Variants in LRRC4B observed in about 807,000 individuals in gnomAD.
LRRC4B encodes the protein leucine-rich repeat-containing protein 4B.
In LRRC4B, 1 loss-of-function variant was observed where a neutral mutation model predicts 7.3. That is an observed-to-expected ratio of 0.14 (90% CI 0.05 to 0.65). The LOEUF (loss-of-function observed/expected upper bound fraction) is 0.65. Ranked by LOEUF, LRRC4B falls within the 30% of genes least tolerant of loss-of-function variation. LRRC4B has a pLI of 0.84. For synonymous variants in LRRC4B, 500 were observed against 499.2 expected (o/e 1.00, Z -0.02); for missense variants, 730 against 1,041.6 (o/e 0.70, Z 4.12).
At chr19:50,546,024 A>G (rs1981790530) in intron 2 of LRRC4B, among the ~76,000 whole-genome samples, 2 of 151,708 alleles carry the variant, frequency 1.3e-5, no homozygotes. Context: ...GCGCCAGGCT[A>G]AAAGTTATTA....
chr19:50,529,802 A>G (rs976267246), intron 2 of LRRC4B, among the ~76,000 whole-genome samples: 2 of 152,090 alleles, frequency 1.3e-5, no homozygotes, highest in Non-Finnish European at 2.9e-5. Flanking sequence ...TCGTCTCGAT[A>G]ATAATAATAA....
chr19:50,543,797 G>GAGCC (rs1981662871), intron 2 of LRRC4B, among the ~76,000 whole-genome samples: 3 of 141,658 alleles, frequency 2.1e-5, no homozygotes, highest in Non-Finnish European at 4.5e-5. Flanking sequence ...AGGTTGCAGT[G>GAGCC]AGCCAAGACT....
chr19:50,546,684 CGTCCGCTGGTG>C (rs1171696550), intron 2 of LRRC4B, among the ~76,000 whole-genome samples: 1 of 152,116 alleles, frequency 6.6e-6, no homozygotes, highest in Non-Finnish European at 1.5e-5. Context: ...AATGAATGTA[CGTCCGCTGGTG>C]GCGCTCAGCA....
chr19:50,542,112 T>C (rs1167579336), intron 2 of LRRC4B, among the ~76,000 whole-genome samples: 1 of 152,048 alleles, frequency 6.6e-6, no homozygotes, highest in Non-Finnish European at 1.5e-5. Flanking sequence ...AAGCAAAAAA[T>C]CCACAGTAAA....
At chr19:50,566,367 G>T (rs567234940) in intron 1 of LRRC4B, among the ~76,000 whole-genome samples, 9 of 151,992 alleles carry the variant, frequency 5.9e-5, no homozygotes, top group East Asian at 2.0e-4. Context: ...CAGCTGGAGA[G>T]GGGGGCGGGG....
rs1980280649 is a variant in LRRC4B at position 50,516,913 on chromosome 19, T to A, written c.*658A>T. ...GTGCTTTCATGACCAAAAAAAATATTTTTTTACTTTTTCCATGTTTTTTTT... is the reference window on the plus strand; with the variant it reads ...GTGCTTTCATGACCAAAAAAAATATATTTTTACTTTTTCCATGTTTTTTTT... On this transcript the variant is annotated 3_prime_UTR_variant, in exon 3 of 3. Transcript: ENST00000652263. 6.6e-6 allele frequency: 1 copy of A among 152,038 alleles called. No homozygotes were observed. Among genetic ancestry groups the A allele is most frequent in the South Asian group, 2.1e-4 (1 of 4,834 alleles). 9.4% of individuals were successfully genotyped at this position (152,038 alleles called of 1,614,324 possible).
At chr19:50,547,659 G>A (rs891239589) in intron 2 of LRRC4B, among the ~76,000 whole-genome samples, 1 of 147,872 alleles carries the variant, frequency 6.8e-6, no homozygotes, top group Non-Finnish European at 1.5e-5. Context: ...GGCATCTAGT[G>A]GCCGGAAATG....
chr19:50,521,411 G>A (rs984893763), intron 2 of LRRC4B, among the ~76,000 whole-genome samples: 1 of 152,076 alleles, frequency 6.6e-6, no homozygotes, highest in African/African-American at 2.4e-5. Context: ...TTTATTCCAT[G>A]CCAGTGATAC....
intron 2 of LRRC4B, among the ~76,000 whole-genome samples, chr19:50,521,241 G>A (rs1036770038): frequency 2.0e-5 from 3 of 152,106 alleles, no homozygotes; most frequent in Non-Finnish European, 4.4e-5. Context: ...TGTTCTAAGT[G>A]TGCGTCTCTG....
At chr19:50,561,443 G>A (rs567006489) in intron 1 of LRRC4B, among the ~76,000 whole-genome samples, 139 of 152,040 alleles carry the variant, frequency 9.1e-4, no homozygotes, top group Non-Finnish European at 1.5e-3. Flanking sequence ...GCCTTCAAAA[G>A]TCTAGACTTG....
intron 2 of LRRC4B, among the ~76,000 whole-genome samples, chr19:50,520,055 A>T (rs1980486241): frequency 6.7e-6 from 1 of 150,146 alleles, no homozygotes; most frequent in Non-Finnish European, 1.5e-5. Flanking sequence ...AAATAAAATA[A>T]ATTAGCCAGG....
rs753611353 is a variant in LRRC4B at position 50,548,283 on chromosome 19, G to T, written c.297+259C>A. Reference sequence around the variant, plus strand: ...CGACCCGCCTGTCCTGTGCCGGGGGGGCTGGGCAGGTGGCCTGCACTTGGG... The same window carrying T: ...CGACCCGCCTGTCCTGTGCCGGGGGTGCTGGGCAGGTGGCCTGCACTTGGG... On this transcript the variant is annotated intron_variant, in intron 2 of 2. Transcript: ENST00000652263. This position sits in a 1 kb window ranked among gnomAD's most constrained non-coding sequence, Gnocchi z 6.8. 1.6e-3 allele frequency among the ~76,000 whole-genome samples: 238 copies of T among 152,350 alleles called. No individual in the cohort carries two copies. Among genetic ancestry groups the T allele is most frequent in the African/African-American group, 5.0e-3 (209 of 41,590 alleles).
At chr19:50,529,634 G>A (rs1249973589) in intron 2 of LRRC4B, among the ~76,000 whole-genome samples, 11 of 151,932 alleles carry the variant, frequency 7.2e-5, no homozygotes, top group African/African-American at 2.4e-4. Flanking sequence ...GTGAAACCCC[G>A]TCTCTACTGA....
At position 50,519,385 on chromosome 19, in the gene LRRC4B, G is replaced by T; in HGVS notation, c.328C>A (p.Arg110=). The T allele has an allele frequency of 2.5e-6, 4 of 1,605,450 alleles. No individual in the cohort carries two copies. The highest frequency in any genetic ancestry group is 1.1e-5 in the South Asian group (1 of 90,924). ...VIRTDTFKHL[R]HLEILQLSKN... is the part of the protein sequence containing the mutation. Reference sequence around the variant, plus strand: ...CTCAGCTGCAGAATCTCCAGGTGCCGCAGGTGCTTGAACGTGTCCGTCCGG... The same window carrying T: ...CTCAGCTGCAGAATCTCCAGGTGCCTCAGGTGCTTGAACGTGTCCGTCCGG... Residue 110 remains arginine (R), a synonymous_variant, in exon 3 of 3, where the codon CGG becomes AGG. Coordinates refer to ENST00000652263, the MANE Select transcript of LRRC4B (RefSeq NM_001080457.2). The surrounding 1 kb of genome is among the most constrained non-coding windows in gnomAD (Gnocchi z 8.1).
chr19:50,537,803 G>A lies in LRRC4B; in HGVS notation c.297+10739C>T, dbSNP rs1981353398. Among the ~76,000 whole-genome samples the A allele has an allele frequency of 6.6e-6, 1 of 152,150 alleles. No homozygotes were observed. On this transcript the variant is annotated intron_variant, in intron 2 of 2. Transcript: ENST00000652263. This position sits in a 1 kb window ranked among gnomAD's most constrained non-coding sequence, Gnocchi z 5.5. ...CTCGGAGTGGTGACAAGGATTATGT[G>A]GGCCCCGAGATGGCGCTGCTGAGGG...
At chr19:50,530,822 C>T (rs1391207103) in intron 2 of LRRC4B, among the ~76,000 whole-genome samples, 3 of 151,790 alleles carry the variant, frequency 2.0e-5, no homozygotes, top group Non-Finnish European at 4.4e-5. Context: ...CTGCAACCTC[C>T]GTCTCCCAGG....
Position 50,518,345 on chromosome 19 carries a change from C to A in LRRC4B, c.1368G>T (p.Val456=), listed in dbSNP as rs61753461. The part of the protein sequence containing the change: ...TASATLNVSA[V]DPVAAGGTGS... The stretch of plus-strand genomic sequence containing the variant: ...CGGTGCCCCCGGCCGCCACGGGGTC[C>A]ACGGCCGAGACGTTGAGCGTGGCCG... The change falls in exon 3 of 3, where the codon GTG becomes GTT. Residue 456 remains valine (V), a synonymous_variant. Coordinates refer to ENST00000652263, the MANE Select transcript of LRRC4B (RefSeq NM_001080457.2). The A allele has an allele frequency of 7.4e-3, 11,950 of 1,606,032 alleles. 71 individuals are homozygous for A. Among genetic ancestry groups the A allele is most frequent in the Non-Finnish European group, 8.5e-3 (9,954 of 1,177,230 alleles).
chr19:50,556,100 G>A lies in LRRC4B; in HGVS notation c.-35-7227C>T, dbSNP rs1982266258. 6.6e-6 allele frequency among the ~76,000 whole-genome samples: 1 copy of A among 152,160 alleles called. No individual in the cohort carries two copies. The highest frequency in any genetic ancestry group is 6.5e-5 in the Admixed American group (1 of 15,286). On this transcript the variant is annotated intron_variant, in intron 1 of 2. Coordinates refer to ENST00000652263, the MANE Select transcript of LRRC4B (RefSeq NM_001080457.2). This position sits in a 1 kb window ranked among gnomAD's most constrained non-coding sequence, Gnocchi z 4.2. ...GCGCCGAGAATTGTCAGGCTTCTAT[G>A]TCTGGAGGTAGAAGAACCTTAGGGA...
rs10406947 is a variant in LRRC4B, at chr19:50,563,496, G to A, written c.-36+4448C>T. On this transcript the variant is annotated intron_variant, in intron 1 of 2. Transcript: ENST00000652263. The surrounding 1 kb of genome is among the most constrained non-coding windows in gnomAD (Gnocchi z 4.9). ...CTGGGCTTGAGCGCTGCCAGGCACA[G>A]AGGGGAGCCCTGTCCTTTGCACCCC... Among the ~76,000 whole-genome samples, 37,630 of 152,116 alleles carry A rather than the reference G, an allele frequency of 0.25. 5,369 individuals carry two copies. Among genetic ancestry groups the A allele is most frequent in the African/African-American group, 0.36 (15,005 of 41,490 alleles).
Sources: allele counts gnomAD v4.1 joint callset (sites outside exome capture counted in the v4.1 genomes callset), GRCh38; gene constraint gnomAD v4.1.1; non-coding constraint Gnocchi (gnomAD v3.1); transcripts MANE v1.5; gene names NCBI Gene and HGNC (gene_info 2026-07-23, HGNC 2026-07-21).